The following SPAG16 variants were observed in gnomAD, a reference collection of about 807,000 sequenced individuals.
SPAG16 encodes sperm associated antigen 16, also known as sperm-associated antigen 16 protein.
In SPAG16, 86 loss-of-function variants were observed where a neutral mutation model predicts 80.4. That is an observed-to-expected ratio of 1.07 (90% CI 0.90 to 1.28). The LOEUF (loss-of-function observed/expected upper bound fraction) is 1.28. Ranked by LOEUF, SPAG16 falls within the 50% of genes most tolerant of loss-of-function variation. The probability of loss-of-function intolerance (pLI) is 0.00; values close to 1 mark genes in which losing one functional copy is unlikely to be tolerated. For synonymous variants in SPAG16, 294 were observed against 265.9 expected (o/e 1.11, Z -1.03); for missense variants, 870 against 765.3 (o/e 1.14, Z -1.61).
At chr2:213,952,628 G>T (rs1261424083) in intron 12 of SPAG16, among the ~76,000 whole-genome samples, 1 of 152,032 alleles carries the variant, frequency 6.6e-6, no homozygotes, top group Non-Finnish European at 1.5e-5. Flanking sequence ...ATTAAAGATA[G>T]GCTCTGGAAT....
At chr2:213,794,355 A>G (rs2556342) in intron 10 of SPAG16, among the ~76,000 whole-genome samples, 4,432 of 152,206 alleles carry the variant, frequency 0.029, 224 homozygotes, top group African/African-American at 0.1. Context: ...TATATAAATG[A>G]CTGTTTAAAT....
At chr2:213,591,052 C>T (rs1197121008) in intron 10 of SPAG16, among the ~76,000 whole-genome samples, 1 of 152,146 alleles carries the variant, frequency 6.6e-6, no homozygotes, top group East Asian at 1.9e-4. Flanking sequence ...AACAGAAAAC[C>T]AAATACCACA....
intron 9 of SPAG16, among the ~76,000 whole-genome samples, chr2:213,468,920 G>A (rs1422459285): frequency 6.6e-6 from 1 of 151,964 alleles, no homozygotes; most frequent in Non-Finnish European, 1.5e-5. Flanking sequence ...GAAAGATGTA[G>A]GCTGGGAGGC....
At chr2:214,383,907 C>G (rs1377078094) in intron 15 of SPAG16, among the ~76,000 whole-genome samples, 1 of 97,286 alleles carries the variant, frequency 1.0e-5, no homozygotes, top group Non-Finnish European at 2.1e-5. Context: ...TGCAACAATT[C>G]ATGGACATGG....
intron 14 of SPAG16, among the ~76,000 whole-genome samples, chr2:214,112,401 G>C (rs1223452713): frequency 6.6e-6 from 1 of 152,068 alleles, no homozygotes; most frequent in East Asian, 1.9e-4. Flanking sequence ...GTCTAATATT[G>C]ACAGTGGGGT....
chr2:214,245,838 T>A (rs892024974), intron 15 of SPAG16, among the ~76,000 whole-genome samples: 2 of 152,204 alleles, frequency 1.3e-5, no homozygotes, highest in Admixed American at 6.6e-5. Context: ...GGAATTTTTT[T>A]AAATTTACCT....
chr2:213,649,185 G>C (rs546979762), intron 10 of SPAG16, among the ~76,000 whole-genome samples: 1 of 152,192 alleles, frequency 6.6e-6, no homozygotes, highest in South Asian at 2.1e-4. Flanking sequence ...GAAGAAAAGA[G>C]ACATTTTGAA....
intron 10 of SPAG16, among the ~76,000 whole-genome samples, chr2:213,639,015 T>C (rs1178263152): frequency 6.6e-6 from 1 of 152,228 alleles, no homozygotes; most frequent in African/African-American, 2.4e-5. Context: ...TTGTCTTTTT[T>C]AACTGCTGTC....
chr2:214,125,195 TA>T (rs765715651), intron 14 of SPAG16, among the ~76,000 whole-genome samples: 6 of 151,646 alleles, frequency 4.0e-5, no homozygotes, highest in Non-Finnish European at 5.9e-5. Flanking sequence ...CAGAGAATCT[TA>T]AGTATACACT....
At position 214,200,701 on chromosome 2, in the gene SPAG16, A is replaced by G. The variant is rs905355334; in HGVS notation, c.1720+51435A>G. On this transcript the variant is annotated intron_variant, in intron 15 of 15. Coordinates refer to ENST00000331683, the MANE Select transcript of SPAG16 (RefSeq NM_024532.5). ...ACAAACAAACAAGATCTCATAAAAT[A>G]TAAGTTTATAAAAATTGTAATCTGA... Among the ~76,000 whole-genome samples the G allele has an allele frequency of 3.0e-4, 46 of 152,200 alleles. 1 individual carries two copies. Among genetic ancestry groups the G allele is most frequent in the Non-Finnish European group, 1.2e-4 (8 of 68,040 alleles).
chr2:214,173,617 T>G (rs1267396900), intron 15 of SPAG16, among the ~76,000 whole-genome samples: 1 of 151,920 alleles, frequency 6.6e-6, no homozygotes, highest in Non-Finnish European at 1.5e-5. Flanking sequence ...CAGGACCAGA[T>G]GGATTCACAG....
At chr2:213,453,290 T>C (rs2071810929) in intron 9 of SPAG16, among the ~76,000 whole-genome samples, 1 of 152,200 alleles carries the variant, frequency 6.6e-6, no homozygotes, top group Non-Finnish European at 1.5e-5. Context: ...TTCATAATGA[T>C]AAATAATTTT....
At chr2:213,961,651 T>C (rs57597754) in intron 12 of SPAG16, among the ~76,000 whole-genome samples, 1,599 of 151,678 alleles carry the variant, frequency 0.011, 37 homozygotes, top group African/African-American at 0.036. Flanking sequence ...TATTGTGTGG[T>C]ATTATTCTTC....
At chr2:213,588,489 AT>A (rs1348451796) in intron 10 of SPAG16, among the ~76,000 whole-genome samples, 6 of 151,340 alleles carry the variant, frequency 4.0e-5, no homozygotes, top group Non-Finnish European at 7.4e-5. Context: ...AAAGTACAAT[AT>A]AGTGATATTG....
At chr2:213,649,587 T>C (rs1218350152) in intron 10 of SPAG16, among the ~76,000 whole-genome samples, 3 of 152,120 alleles carry the variant, frequency 2.0e-5, no homozygotes, top group African/African-American at 4.8e-5. Context: ...TGTTTATTTA[T>C]TTATTTTGAG....
chr2:214,108,302 T>C (rs770767886), intron 14 of SPAG16, 41 bp downstream of exon 14: 7 of 1,460,000 alleles, frequency 4.8e-6, no homozygotes, highest in East Asian at 2.3e-5. Flanking sequence ...TAATGCTTCA[T>C]ATATACAAAT....
chr2:213,487,689 G>C (rs932877935), intron 9 of SPAG16, among the ~76,000 whole-genome samples: 1 of 151,946 alleles, frequency 6.6e-6, no homozygotes, highest in Non-Finnish European at 1.5e-5. Context: ...AGTTGATTAG[G>C]TCGTATTAAA....
intron 9 of SPAG16, among the ~76,000 whole-genome samples, chr2:213,387,749 C>T (rs996871278): frequency 2.0e-5 from 3 of 151,760 alleles, no homozygotes; most frequent in South Asian, 2.1e-4. Context: ...CCACCGCGCC[C>T]GGCCATGCAT....
At chr2:213,635,588 T>G (rs922201451) in intron 10 of SPAG16, among the ~76,000 whole-genome samples, 3 of 152,186 alleles carry the variant, frequency 2.0e-5, no homozygotes, top group Non-Finnish European at 4.4e-5. Context: ...TTATATTTTG[T>G]TTTTTAATAA....
Sources: allele counts gnomAD v4.1 joint callset (sites outside exome capture counted in the v4.1 genomes callset), GRCh38; gene constraint gnomAD v4.1.1; transcripts MANE v1.5; gene names NCBI Gene and HGNC (gene_info 2026-07-23, HGNC 2026-07-21).